UBE2E2: variants seen among roughly 807,000 people sequenced by gnomAD.
UBE2E2 encodes the protein ubiquitin conjugating enzyme E2 E2, also known as ubiquitin-conjugating enzyme E2 E2.
In UBE2E2, 6 loss-of-function variants were observed where a neutral mutation model predicts 24.7. The ratio of observed to expected loss-of-function variants is 0.24; its 90% CI spans 0.13 to 0.48. The LOEUF (loss-of-function observed/expected upper bound fraction) is 0.48, where lower values mean the gene tolerates loss of function less well. UBE2E2 is among the 20% of genes least tolerant of loss of function. The pLI, the probability that UBE2E2 is intolerant of heterozygous loss-of-function variation, is 0.99. For synonymous variants in UBE2E2, 104 were observed against 83.6 expected (o/e 1.24, Z -1.33); for missense variants, 169 against 245.0 (o/e 0.69, Z 2.07).
chr3:23,399,881 ACT>A (rs1477769254), intron 3 of UBE2E2, among the ~76,000 whole-genome samples: 1 of 152,074 alleles, frequency 6.6e-6, no homozygotes, highest in Non-Finnish European at 1.5e-5. Context: ...TTGATGTCAG[ACT>A]CTTCCTCACT....
At position 23,561,907 on chromosome 3, in the gene UBE2E2, C is replaced by T. The variant is rs375671750; in HGVS notation, c.509-27827C>T. On this transcript the variant is annotated intron_variant, in intron 5 of 5. Coordinates refer to ENST00000396703, the MANE Select transcript of UBE2E2 (RefSeq NM_152653.4). ...TGTATAAGAATGCTTGTGATTTTTG[C>T]ACATTGATTTTGTATCCTGAGACTT... Among the ~76,000 whole-genome samples, 30 of 152,202 alleles carry T rather than the reference C, an allele frequency of 2.0e-4. 1 individual carries two copies. Among genetic ancestry groups the T allele is most frequent in the Admixed American group, 3.9e-4 (6 of 15,286 alleles).
intron 3 of UBE2E2, among the ~76,000 whole-genome samples, chr3:23,416,094 A>G (rs1017097267): frequency 8.4e-4 from 128 of 152,306 alleles, no homozygotes; most frequent in African/African-American, 2.7e-3. Flanking sequence ...TTATGGCTGC[A>G]TAGTATTCCA....
intron 4 of UBE2E2, among the ~76,000 whole-genome samples, chr3:23,511,753 A>G (rs1165869862): frequency 6.6e-6 from 1 of 152,260 alleles, no homozygotes; most frequent in Admixed American, 6.5e-5. Flanking sequence ...GTTATTTTCC[A>G]TATAGAGTAT....
chr3:23,217,353 G>T (rs749107353), intron 3 of UBE2E2, 41 bp downstream of exon 3: 1 of 1,581,508 alleles, frequency 6.3e-7, no homozygotes, highest in East Asian at 2.2e-5. Context: ...ATCTTTTGCA[G>T]AAGGTGCATT....
chr3:23,327,846 T>A (rs994013593), intron 3 of UBE2E2, among the ~76,000 whole-genome samples: 13 of 152,186 alleles, frequency 8.5e-5, no homozygotes, highest in Non-Finnish European at 1.8e-4. Context: ...TTGTGAAGAT[T>A]AAGTTTTTCA....
chr3:23,543,574 C>T (rs1695447801), intron 5 of UBE2E2, among the ~76,000 whole-genome samples: 1 of 150,536 alleles, frequency 6.6e-6, no homozygotes, highest in Non-Finnish European at 1.5e-5. Flanking sequence ...TAATAGATGA[C>T]AAACAAATGG....
intron 5 of UBE2E2, among the ~76,000 whole-genome samples, chr3:23,552,605 C>T (rs533467014): frequency 6.2e-4 from 95 of 152,222 alleles, no homozygotes; most frequent in African/African-American, 2.0e-3. Flanking sequence ...AGGAGGTGTA[C>T]GTTTGTTTCT....
chr3:23,524,429 G>A (rs1291282599), intron 4 of UBE2E2, among the ~76,000 whole-genome samples: 1 of 152,146 alleles, frequency 6.6e-6, no homozygotes, highest in African/African-American at 2.4e-5. Context: ...AGAACCATTT[G>A]TGTACTTCAG....
At chr3:23,432,988 T>G (rs1698100882) in intron 3 of UBE2E2, among the ~76,000 whole-genome samples, 1 of 151,962 alleles carries the variant, frequency 6.6e-6, no homozygotes, top group South Asian at 2.1e-4. Flanking sequence ...CACTAAACTT[T>G]CAGCTTATGA....
rs370681483 is a variant in UBE2E2 at position 23,480,646 on chromosome 3, AG to A, written c.228-18961del. 1.3e-3 allele frequency among the ~76,000 whole-genome samples: 137 copies of A among 103,214 alleles called. 2 individuals carry two copies. The highest frequency in any genetic ancestry group is 0.012 in the Middle Eastern group (2 of 170). The allele number at this position is 103,214 out of a possible 152,430, so 67.7% of individuals were successfully genotyped here. On this transcript the variant is annotated intron_variant, in intron 3 of 5. Transcript: ENST00000396703. ...TTGTCTCAGGAAAAAAAAAAAAAAA[AG>A]AAGAGGATTCAGAGATCCAAGAAAG... is the stretch of plus-strand genomic sequence containing the variant.
In UBE2E2 at chr3:23,590,026, T is replaced by C. The variant is rs891223743; in HGVS notation, c.*195T>C. 31 of 507,086 alleles carry C rather than the reference T, an allele frequency of 6.1e-5. No individual in the cohort carries two copies. Among genetic ancestry groups the C allele is most frequent in the African/African-American group, 5.7e-4 (30 of 52,188 alleles). The allele number at this position is 507,086 out of a possible 1,614,324, so 31.4% of individuals were successfully genotyped here. A position where few individuals can be genotyped will look rare whatever the true frequency, so the allele number is the denominator to read the frequency against. On this transcript the variant is annotated 3_prime_UTR_variant, in exon 6 of 6. Transcript: ENST00000396703. ...CCCTTCCTCTCTCCCACGCTCTCTT[T>C]TATCTCTCATTTTATTCCCTTGTTG...
At chr3:23,354,359 A>G (rs1386076539) in intron 3 of UBE2E2, among the ~76,000 whole-genome samples, 3 of 152,200 alleles carry the variant, frequency 2.0e-5, no homozygotes, top group Non-Finnish European at 4.4e-5. Context: ...ACCAAAAGCA[A>G]TGGCAACAAA....
chr3:23,470,790 C>T (rs1699018653), intron 3 of UBE2E2, among the ~76,000 whole-genome samples: 1 of 150,120 alleles, frequency 6.7e-6, no homozygotes, highest in African/African-American at 2.5e-5. Flanking sequence ...CCTTTGAAAA[C>T]CATGAGAGAT....
rs906069820 is a variant in UBE2E2 at position 23,407,171 on chromosome 3, C to T, written c.228-92437C>T. Among the ~76,000 whole-genome samples, 3 of 151,976 alleles carry T rather than the reference C, an allele frequency of 2.0e-5. No individual in the cohort carries two copies. Among genetic ancestry groups the T allele is most frequent in the African/African-American group, 7.3e-5 (3 of 41,378 alleles). ...TCCCTTTTTCTCTTGAGAACCCTGA[C>T]TTTCAGAATGGCCTGGAAAAAAAAA... On this transcript the variant is annotated intron_variant, in intron 3 of 5. Coordinates refer to ENST00000396703, the MANE Select transcript of UBE2E2 (RefSeq NM_152653.4). The surrounding 1 kb of genome is among the most constrained non-coding windows in gnomAD (Gnocchi z 4.0).
At chr3:23,351,205 C>G (rs1203521062) in intron 3 of UBE2E2, among the ~76,000 whole-genome samples, 7 of 152,048 alleles carry the variant, frequency 4.6e-5, no homozygotes, top group Non-Finnish European at 1.0e-4. Context: ...TTGTCACCAC[C>G]AGGCCTGCCC....
chr3:23,295,021 T>G (rs1698872596), intron 3 of UBE2E2, among the ~76,000 whole-genome samples: 2 of 152,156 alleles, frequency 1.3e-5, no homozygotes, highest in African/African-American at 4.8e-5. Context: ...CATTTAAACA[T>G]GTGTAAATTT....
chr3:23,284,273 G>C (rs1052441898), intron 3 of UBE2E2, among the ~76,000 whole-genome samples: 15 of 152,042 alleles, frequency 9.9e-5, no homozygotes, highest in Non-Finnish European at 2.1e-4. Flanking sequence ...TTACCTTAAA[G>C]AGAAGGCACA....
intron 3 of UBE2E2, among the ~76,000 whole-genome samples, chr3:23,355,754 G>A (rs984419185): frequency 2.6e-5 from 4 of 152,166 alleles, no homozygotes; most frequent in African/African-American, 7.2e-5. Context: ...TGTATTGCAT[G>A]AGCAATACTG....
At position 23,382,178 on chromosome 3, in the gene UBE2E2, A is replaced by ATTTTTTTTTTT. The variant is rs10645761; in HGVS notation, c.228-117419_228-117409dup. On this transcript the variant is annotated intron_variant, in intron 3 of 5. Transcript: ENST00000396703. The stretch of plus-strand genomic sequence containing the variant: ...ACTCTTCATAATTACGAATACTTTA[A>ATTTTTTTTTTT]TTTTTTTTTTTTTTTTTTTTTGAGA... 6.3e-5 allele frequency among the ~76,000 whole-genome samples: 7 copies of ATTTTTTTTTTT among 110,810 alleles called. 1 individual carries two copies. Among genetic ancestry groups the ATTTTTTTTTTT allele is most frequent in the Non-Finnish European group, 6.9e-5 (4 of 58,306 alleles). The allele number at this position is 110,810 out of a possible 152,430, so 72.7% of individuals were successfully genotyped here. A position where few individuals can be genotyped will look rare whatever the true frequency, so the allele number is the denominator to read the frequency against.
Sources: allele counts gnomAD v4.1 joint callset (sites outside exome capture counted in the v4.1 genomes callset), GRCh38; gene constraint gnomAD v4.1.1; non-coding constraint Gnocchi (gnomAD v3.1); transcripts MANE v1.5; gene names NCBI Gene and HGNC (gene_info 2026-07-23, HGNC 2026-07-21).